The following NTM variants were observed in gnomAD, a reference collection of about 807,000 sequenced individuals.
The protein encoded by NTM is IgLON family member 2.
A neutral mutation model predicts 42.1 loss-of-function variants in NTM; 13 were observed. That is an observed-to-expected ratio of 0.31 (90% confidence interval 0.20 to 0.49). The LOEUF is 0.49. Among genes scored for constraint, NTM ranks in the 20% least tolerant of loss-of-function variants. The pLI is 0.99. For missense variants in NTM, 373 were observed against 452.8 expected (o/e 0.82, Z 1.60); for synonymous variants, 187 against 179.2 (o/e 1.04, Z -0.35).
chr11:132,245,973 G>A (rs114846062), intron 4 of NTM, among the ~76,000 whole-genome samples: 1,552 of 152,240 alleles, frequency 0.01, 31 homozygotes, highest in African/African-American at 0.036. Context: ...TTTTCTCCCC[G>A]GGCGGCCACG....
intron 2 of NTM, among the ~76,000 whole-genome samples, chr11:131,920,105 C>G (rs1023121708): frequency 4.6e-5 from 7 of 152,146 alleles, no homozygotes; most frequent in Admixed American, 2.6e-4. Flanking sequence ...AAAATTCATC[C>G]AGAAGGTTCT....
At chr11:131,767,812 G>C (rs2085357949) in intron 1 of NTM, among the ~76,000 whole-genome samples, 1 of 152,178 alleles carries the variant, frequency 6.6e-6, no homozygotes. Flanking sequence ...GAGCCTTCGA[G>C]ATTTGCAGCA....
At chr11:131,893,684 C>G (rs1449470036) in intron 1 of NTM, among the ~76,000 whole-genome samples, 2 of 152,174 alleles carry the variant, frequency 1.3e-5, no homozygotes, top group African/African-American at 4.8e-5. Flanking sequence ...TGCAAGTAAT[C>G]AAGCCCCTTA....
chr11:132,009,922 C>T (rs928847140), intron 2 of NTM, among the ~76,000 whole-genome samples: 1 of 152,082 alleles, frequency 6.6e-6, no homozygotes, highest in African/African-American at 2.4e-5. Flanking sequence ...GAAGGTTACC[C>T]TTTTTTTCTG....
chr11:132,050,505 G>T (rs1255700709), intron 2 of NTM, among the ~76,000 whole-genome samples: 6 of 152,314 alleles, frequency 3.9e-5, no homozygotes, highest in Admixed American at 3.9e-4. Flanking sequence ...GAGAGAAACT[G>T]CCCCTGCCTT....
intron 1 of NTM, among the ~76,000 whole-genome samples, chr11:131,553,235 C>T (rs924162066): frequency 6.6e-6 from 1 of 152,052 alleles, no homozygotes; most frequent in African/African-American, 2.4e-5. Flanking sequence ...GTGGTGGTTA[C>T]AAGGATCTTC....
intron 1 of NTM, among the ~76,000 whole-genome samples, chr11:131,898,577 CA>C (rs1270196497): frequency 5.9e-5 from 9 of 152,180 alleles, no homozygotes; most frequent in African/African-American, 2.2e-4. Flanking sequence ...AGTCTGTAGC[CA>C]TGGAGGTTGG....
intron 1 of NTM, among the ~76,000 whole-genome samples, chr11:131,690,075 A>C (rs929039238): frequency 4.6e-5 from 7 of 152,106 alleles, no homozygotes; most frequent in African/African-American, 7.2e-5. Context: ...TCATGATGAG[A>C]TCAGCACGTC....
chr11:131,986,167 G>T (rs1314758960), intron 2 of NTM, among the ~76,000 whole-genome samples: 2 of 152,116 alleles, frequency 1.3e-5, no homozygotes, highest in African/African-American at 4.8e-5. Context: ...CTGGCCTATT[G>T]GAAACAGTTT....
At chr11:132,328,298 G>C (rs560975436) in intron 7 of NTM, among the ~76,000 whole-genome samples, 105 of 152,282 alleles carry the variant, frequency 6.9e-4, no homozygotes, top group African/African-American at 2.4e-3. Flanking sequence ...TGACTGGAAA[G>C]GTTGAACAAC....
At chr11:132,185,230 T>A (rs552423091) in intron 3 of NTM, among the ~76,000 whole-genome samples, 2 of 152,216 alleles carry the variant, frequency 1.3e-5, no homozygotes, top group Non-Finnish European at 2.9e-5. Flanking sequence ...TGTGTGCACA[T>A]GTACATACAT....
chr11:131,774,581 A>AT (rs141073287), intron 1 of NTM, among the ~76,000 whole-genome samples: 2,835 of 152,200 alleles, frequency 0.019, 78 homozygotes, highest in African/African-American at 0.065. Flanking sequence ...GGAGTGTAAG[A>AT]TTTTTTGGCT....
At chr11:131,472,298 G>A (rs896308965) in intron 1 of NTM, among the ~76,000 whole-genome samples, 1 of 152,148 alleles carries the variant, frequency 6.6e-6, no homozygotes, top group Non-Finnish European at 1.5e-5. Flanking sequence ...TACCACTCTT[G>A]CCCAGGAAAT....
chr11:132,184,188 A>G (rs1412474553), intron 3 of NTM, among the ~76,000 whole-genome samples: 1 of 152,226 alleles, frequency 6.6e-6, no homozygotes, highest in African/African-American at 2.4e-5. Context: ...GTTTACCCAC[A>G]GAAGAGGGAA....
At chr11:132,330,365 C>T (rs2095779612) in intron 8 of NTM, among the ~76,000 whole-genome samples, 180 bp downstream of exon 8, 1 of 152,186 alleles carries the variant, frequency 6.6e-6, no homozygotes, top group South Asian at 2.1e-4. Flanking sequence ...CAAGGACATC[C>T]AATCCTTCCT....
chr11:131,791,133 T>TC (rs1483249840), intron 1 of NTM, among the ~76,000 whole-genome samples: 1 of 152,182 alleles, frequency 6.6e-6, no homozygotes, highest in African/African-American at 2.4e-5. Context: ...TCTCTCCAAG[T>TC]CCAATGATTT....
At chr11:132,325,057 C>G (rs1475905116) in intron 7 of NTM, among the ~76,000 whole-genome samples, 21 of 151,506 alleles carry the variant, frequency 1.4e-4, no homozygotes, top group African/African-American at 5.1e-4. Context: ...GACCTAAAAC[C>G]ATAAAAACCC....
rs544855890 is a variant in NTM, at chr11:132,275,132, A to T, written c.527-32557A>T. On this transcript the variant is annotated intron_variant, in intron 4 of 8. Transcript: ENST00000683400. Reference sequence around the variant, plus strand: ...CTTTGGCTACCCTAAGGTCATGAAGATGTTCTACGTTCTCTTCAAGATGTT... The same window carrying T: ...CTTTGGCTACCCTAAGGTCATGAAGTTGTTCTACGTTCTCTTCAAGATGTT... Among the ~76,000 whole-genome samples the T allele has an allele frequency of 4.6e-5, 7 of 152,244 alleles. No individual in the cohort carries two copies. The South Asian group carries it at 1.5e-3, about 32-fold the overall frequency.
At chr11:131,534,329 A>G (rs1565610132) in intron 1 of NTM, 1 of 152,250 alleles carries the variant, frequency 6.6e-6, no homozygotes, top group Non-Finnish European at 1.5e-5. Flanking sequence ...GCTCATGGAT[A>G]TGAACACTAA....
Sources: gnomAD v4.1 joint callset for allele counts (sites outside exome capture counted in the v4.1 genomes callset) on GRCh38, gnomAD v4.1.1 for gene constraint, MANE v1.5 for transcripts, NCBI Gene and HGNC (gene_info 2026-07-23, HGNC 2026-07-21) for gene names.